The following KLHL12 variants were observed in gnomAD, a reference collection of about 807,000 sequenced individuals.
KLHL12 encodes the protein kelch like family member 12.
KLHL12 carries 17 observed loss-of-function variants against 60.8 expected under a neutral mutation model. The observed-to-expected ratio is 0.28, with a 90% CI of 0.19 to 0.42. The LOEUF (loss-of-function observed/expected upper bound fraction) is 0.42, where lower values mean the gene tolerates loss of function less well. Among genes scored for constraint, KLHL12 ranks in the 10% least tolerant of loss-of-function variants. The pLI, the probability that KLHL12 is intolerant of heterozygous loss-of-function variation, is 1.00. For synonymous variants in KLHL12, 220 were observed against 250.9 expected (o/e 0.88, Z 1.16); for missense variants, 468 against 722.3 (o/e 0.65, Z 4.04).
intron 6 of KLHL12, among the ~76,000 whole-genome samples, chr1:202,907,647 T>G (rs1660236261): frequency 6.7e-6 from 1 of 149,862 alleles, no homozygotes; most frequent in South Asian, 2.1e-4. Flanking sequence ...ATGGGAGGCC[T>G]GTAATCCCAG....
At position 202,919,859 on chromosome 1, in the gene KLHL12, G is replaced by C; in HGVS notation, c.245C>G (p.Ser82Cys). The change falls in exon 3 of 12, where the codon TCT (serine) becomes TGT (cysteine). Residue 82 changes from serine (S) to cysteine (C), a missense_variant. Physicochemically the swap from Ser to Cys is moderately radical, Grantham distance 112. Around this residue, in one of 4 missense-constraint regions of KLHL12, gnomAD observed 339 missense variants for 525.0 expected, o/e 0.65. Coordinates refer to ENST00000367261, the MANE Select transcript of KLHL12 (RefSeq NM_021633.4). ...AAAGTCCAATAAAATTTCCATGGTA[G>C]AGGCAGTCAAACCTTGGATGTCAAC... ...PYVDIQGLTASTMEILLDFVY... is the reference protein window; with the variant it reads ...PYVDIQGLTACTMEILLDFVY... 3 of 1,613,860 alleles carry C rather than the reference G, an allele frequency of 1.9e-6. No homozygotes were observed. The highest frequency in any genetic ancestry group is 1.7e-5 in the Admixed American group (1 of 60,010).
Position 202,891,416 on chromosome 1 carries a change from T to C in KLHL12, c.*1117A>G, listed in dbSNP as rs1164920366. On this transcript the variant is annotated 3_prime_UTR_variant, in exon 12 of 12. Transcript: ENST00000367261. Reference sequence around the variant, plus strand: ...AATAAAATCTACACTAAAGGACAGGTAAGGAAAACTTATAGCAGAAAAAAG... The same window carrying C: ...AATAAAATCTACACTAAAGGACAGGCAAGGAAAACTTATAGCAGAAAAAAG... The C allele has an allele frequency of 3.3e-5, 5 of 152,614 alleles. No individual in the cohort carries two copies. The highest frequency in any genetic ancestry group is 7.3e-5 in the Non-Finnish European group (5 of 68,046). 9.5% of individuals were successfully genotyped at this position (152,614 alleles called of 1,614,324 possible). A position where few individuals can be genotyped will look rare whatever the true frequency, so the allele number is the denominator to read the frequency against.
intron 6 of KLHL12, among the ~76,000 whole-genome samples, chr1:202,902,602 AT>A (rs1241041790): frequency 6.6e-6 from 1 of 152,228 alleles, no homozygotes; most frequent in African/African-American, 2.4e-5. Context: ...AATCACATAA[AT>A]AACCCTGTGA....
rs971208155 is a variant in KLHL12 at position 202,894,191 on chromosome 1, C to T, written c.1386G>A (p.Lys462=). The T allele has an allele frequency of 6.5e-7, 1 of 1,548,498 alleles. No homozygotes were observed. Among genetic ancestry groups the T allele is most frequent in the Non-Finnish European group, 8.8e-7 (1 of 1,142,762 alleles). The part of the protein sequence containing the change: ...HWTNVTPMAT[K]RSGAGVALLN... ...CCTCAGATCTGGTCTTACCAGAACG[C>T]TTGGTGGCCATTGGTGTAACATTAG... Residue 462 remains lysine (K), a synonymous_variant, in exon 10 of 12, where the codon AAG becomes AAA. Coordinates refer to ENST00000367261, the MANE Select transcript of KLHL12 (RefSeq NM_021633.4).
rs745720689 is a variant in KLHL12 at position 202,894,702 on chromosome 1, T to C, written c.1183A>G (p.Ser395Gly). The change falls in exon 9 of 12, where the codon AGT (serine) becomes GGT (glycine). Residue 395 changes from serine (S) to glycine (G), a missense_variant. Ser to Gly is a moderately conservative substitution (Grantham distance 56, BLOSUM62 0). Transcript: ENST00000367261. ...ATGTTTGGATCATAGCGCTCCATAC[T>C]GGTGTGACGCCTGCTTCCATCAAAG... ...GGFDGSRRHT[S>G]MERYDPNIDQ... The C allele has an allele frequency of 6.2e-7, 1 of 1,614,046 alleles. No homozygotes were observed. Among genetic ancestry groups the C allele is most frequent in the South Asian group, 1.1e-5 (1 of 91,088 alleles).
chr1:202,923,668 G>C (rs1038800442), intron 2 of KLHL12, among the ~76,000 whole-genome samples: 1 of 152,132 alleles, frequency 6.6e-6, no homozygotes, highest in Non-Finnish European at 1.5e-5. Flanking sequence ...TTGGGCAAGT[G>C]ATTTAATATC....
At chr1:202,910,883 C>T (rs563743878) in intron 5 of KLHL12, among the ~76,000 whole-genome samples, 171 bp downstream of exon 5, 8 of 152,310 alleles carry the variant, frequency 5.3e-5, no homozygotes, top group South Asian at 2.1e-4. Flanking sequence ...CCAAGAAATT[C>T]GCTTTTCTTA....
At chr1:202,904,033 T>A (rs1660109339) in intron 6 of KLHL12, among the ~76,000 whole-genome samples, 2 of 151,954 alleles carry the variant, frequency 1.3e-5, no homozygotes, top group Admixed American at 6.6e-5. Context: ...TCTATCTATC[T>A]ATGAGATGGA....
At chr1:202,903,772 G>A (rs749111676) in intron 6 of KLHL12, among the ~76,000 whole-genome samples, 5 of 151,088 alleles carry the variant, frequency 3.3e-5, no homozygotes, top group African/African-American at 7.3e-5. Context: ...ACAGGCATGC[G>A]TCACCATGCC....
In KLHL12 at chr1:202,893,207, T is replaced by C. The variant is rs771352133; in HGVS notation, c.1580+32A>G. ...CACATAGACTCTTGCTCTGGCTACA[T>C]ATTGAGTCTGGATTCGTTTCTAAAT... On this transcript the variant is annotated intron_variant, in intron 11 of 11. Transcript: ENST00000367261. This position sits in a 1 kb window ranked among gnomAD's most constrained non-coding sequence, Gnocchi z 4.1. The C allele has an allele frequency of 5.2e-6, 8 of 1,542,342 alleles. No homozygotes were observed. Among genetic ancestry groups the C allele is most frequent in the African/African-American group, 4.1e-5 (3 of 72,868 alleles).
At position 202,893,068 on chromosome 1, in the gene KLHL12, G is replaced by C. The variant is rs1449580089; in HGVS notation, c.1580+171C>G. Among the ~76,000 whole-genome samples the C allele has an allele frequency of 1.3e-5, 2 of 151,488 alleles. No individual in the cohort carries two copies. Among genetic ancestry groups the C allele is most frequent in the Non-Finnish European group, 2.9e-5 (2 of 67,926 alleles). On this transcript the variant is annotated intron_variant, in intron 11 of 11. Transcript: ENST00000367261. The surrounding 1 kb of genome is among the most constrained non-coding windows in gnomAD (Gnocchi z 4.1). ...TACTCAGACTCCAGCCTGGGTGACA[G>C]AGCAATACTCTGTCTCTAAAAAATA... is the stretch of plus-strand genomic sequence containing the variant.
intron 4 of KLHL12, chr1:202,911,774 G>A (rs1443012855): frequency 3.0e-5 from 20 of 674,102 alleles, no homozygotes; most frequent in East Asian, 7.5e-5. Flanking sequence ...GGACGCCGCC[G>A]AAGAAGCATC....
rs1234854575 is a variant in KLHL12, at chr1:202,893,698, A to G, written c.1394-273T>C. On this transcript the variant is annotated intron_variant, in intron 10 of 11. Transcript: ENST00000367261. This position sits in a 1 kb window ranked among gnomAD's most constrained non-coding sequence, Gnocchi z 4.1. ...AGCCCAACCCTTCTAATTAGGAGAA[A>G]GGGAGGAAGTGAAAAAAAGGTGGCA... Among the ~76,000 whole-genome samples the G allele has an allele frequency of 6.6e-6, 1 of 152,240 alleles. No individual in the cohort carries two copies. Among genetic ancestry groups the G allele is most frequent in the Non-Finnish European group, 1.5e-5 (1 of 68,036 alleles).
In KLHL12 at chr1:202,891,712, CCA is replaced by C. The variant is rs1252206576; in HGVS notation, c.*819_*820del. On this transcript the variant is annotated 3_prime_UTR_variant, in exon 12 of 12. Coordinates refer to ENST00000367261, the MANE Select transcript of KLHL12 (RefSeq NM_021633.4). ...AATCACAGGTTCTTCTAGTTTATCC[CCA>C]GTTATACTGAACTCCCACATTGATG... The C allele has an allele frequency of 9.2e-5, 14 of 152,322 alleles. No homozygotes were observed. The highest frequency in any genetic ancestry group is 6.2e-4 in the South Asian group (3 of 4,824). 9.4% of individuals were successfully genotyped at this position (152,322 alleles called of 1,614,324 possible). A position where few individuals can be genotyped will look rare whatever the true frequency, so the allele number is the denominator to read the frequency against.
chr1:202,927,368 T>A, upstream of KLHL12: 10 of 707,284 alleles, frequency 1.4e-5, no homozygotes, highest in Non-Finnish European at 1.7e-5. Flanking sequence ...TTCTGTACGC[T>A]GCTAGGAAGC....
upstream of KLHL12, among the ~76,000 whole-genome samples, chr1:202,928,127 T>A (rs1445288865): frequency 8.6e-5 from 13 of 151,076 alleles, no homozygotes; most frequent in Non-Finnish European, 1.2e-4. Flanking sequence ...ACAAAAAAAT[T>A]GGCTGGGCGT....
At chr1:202,927,376 A>G, upstream of KLHL12, 1 of 654,086 alleles carries the variant, frequency 1.5e-6, no homozygotes, top group Non-Finnish European at 1.9e-6. Context: ...GCTGCTAGGA[A>G]GCCGAATTAC....
chr1:202,926,958 G>A (rs1653598623), intron 1 of KLHL12, 131 bp downstream of exon 1: 1 of 698,014 alleles, frequency 1.4e-6, no homozygotes, highest in Non-Finnish European at 1.8e-6. Flanking sequence ...CCCACTGCCA[G>A]CCTTCCTCCT....
intron 6 of KLHL12, among the ~76,000 whole-genome samples, chr1:202,900,119 T>C (rs561975151): frequency 1.4e-4 from 21 of 152,294 alleles, no homozygotes; most frequent in Non-Finnish European, 2.6e-4. Context: ...TGAATAAAAA[T>C]TCCCACACCA....
Sources: allele counts gnomAD v4.1 joint callset (sites outside exome capture counted in the v4.1 genomes callset), GRCh38; gene constraint gnomAD v4.1.1; regional missense constraint gnomAD v4.1.1; non-coding constraint Gnocchi (gnomAD v3.1); transcripts MANE v1.5; gene names NCBI Gene and HGNC (gene_info 2026-07-23, HGNC 2026-07-21).